Variants in ANKRD27 observed in about 807,000 individuals in gnomAD.
The protein encoded by ANKRD27 is ankyrin repeat domain 27, also known as ankyrin repeat domain-containing protein 27.
ANKRD27 carries 112 observed loss-of-function variants against 129.7 expected under a neutral mutation model. The observed-to-expected ratio is 0.86, with a 90% CI of 0.74 to 1.01. The LOEUF is 1.01. ANKRD27 is among the 50% of genes least tolerant of loss of function. The pLI is 0.00. For synonymous variants in ANKRD27, 516 were observed against 511.2 expected, an observed-to-expected ratio of 1.01 and a Z score of -0.13; for missense variants, 1,258 against 1,300.5, an observed-to-expected ratio of 0.97 and a Z score of 0.50.
chr19:32,648,814 G>T (rs1967353566), intron 3 of ANKRD27, among the ~76,000 whole-genome samples: 1 of 147,180 alleles, frequency 6.8e-6, no homozygotes, highest in Admixed American at 6.7e-5. Flanking sequence ...AAAAAAAAAA[G>T]ATTCAAAATA....
intron 22 of ANKRD27, among the ~76,000 whole-genome samples, chr19:32,613,706 CTTTT>C (rs58394462): frequency 1.5e-5 from 2 of 132,992 alleles, no homozygotes; most frequent in Admixed American, 7.7e-5. Context: ...ATTTATGTAA[CTTTT>C]TTTTTTTTTT....
chr19:32,604,509 A>G, intron 24 of ANKRD27, 85 bp from the exon 25 acceptor site: 26 of 1,309,680 alleles, frequency 2.0e-5, no homozygotes, highest in Non-Finnish European at 2.6e-5. Context: ...TATTCGCTAT[A>G]AAACACATTG....
At chr19:32,628,009 C>A in intron 15 of ANKRD27, 74 bp downstream of exon 15, 1 of 1,395,260 alleles carries the variant, frequency 7.2e-7, no homozygotes, top group Non-Finnish European at 1.0e-6. Flanking sequence ...ATCAGCCAGG[C>A]CTCTCTGCTG....
intron 20 of ANKRD27, 28 bp from the exon 21 acceptor site, chr19:32,617,661 A>G: frequency 1.4e-6 from 1 of 724,038 alleles, no homozygotes; most frequent in Admixed American, 2.1e-5. Context: ...GAATGTTAGA[A>G]AAATGATTTC....
intron 22 of ANKRD27, among the ~76,000 whole-genome samples, chr19:32,608,785 C>T (rs1971790173): frequency 6.6e-6 from 1 of 152,112 alleles, no homozygotes; most frequent in African/African-American, 2.4e-5. Flanking sequence ...AACCCCGTCT[C>T]TACCAAAAAT....
In ANKRD27 at chr19:32,607,806, C is replaced by G; in HGVS notation, c.2202G>C (p.Gly734=). Residue 734 remains glycine, a synonymous_variant, in exon 23 of 29, where the codon GGG becomes GGC. Transcript: ENST00000306065. ...CCTGGCTGGTCACGTTCACACCAAG[C>G]CCACTGGCAGGAACCTTCGCCAGCC... is the stretch of plus-strand genomic sequence containing the variant. The part of the protein sequence containing the change: ...QKRLAKVPAS[G]LGVNVTSQDG... The G allele has an allele frequency of 6.2e-7, 1 of 1,609,100 alleles. No homozygotes were observed.
chr19:32,599,486 T>C (rs886941663), intron 28 of ANKRD27, among the ~76,000 whole-genome samples: 1 of 152,218 alleles, frequency 6.6e-6, no homozygotes. Context: ...TGTAACACTT[T>C]CCACTCCTCT....
At chr19:32,642,462 C>T (rs749010725) in intron 9 of ANKRD27, among the ~76,000 whole-genome samples, 3 of 152,030 alleles carry the variant, frequency 2.0e-5, no homozygotes, top group East Asian at 1.9e-4. Context: ...AAATTAGGCT[C>T]GGCGCAGTGG....
chr19:32,659,072 A>T, intron 1 of ANKRD27, 27 bp from the exon 2 acceptor site: 2 of 1,243,594 alleles, frequency 1.6e-6, no homozygotes, highest in Admixed American at 3.4e-5. Context: ...AAAAGCAGTG[A>T]ATAGCCATTT....
chr19:32,661,831 T>C (rs543622469), intron 1 of ANKRD27, among the ~76,000 whole-genome samples: 2 of 152,296 alleles, frequency 1.3e-5, no homozygotes, highest in Admixed American at 1.3e-4. Flanking sequence ...AACCTGAATT[T>C]GGTTGAAAAA....
chr19:32,638,202 A>C (rs1218686767), intron 12 of ANKRD27: 1 of 152,308 alleles, frequency 6.6e-6, no homozygotes. Context: ...AGGCCCACCT[A>C]TGGACCAATC....
chr19:32,640,630 G>A (rs928770678), intron 10 of ANKRD27, among the ~76,000 whole-genome samples: 1 of 152,304 alleles, frequency 6.6e-6, no homozygotes, highest in Non-Finnish European at 1.5e-5. Flanking sequence ...AGCCAGATAC[G>A]GCAGCACGTG....
intron 2 of ANKRD27, among the ~76,000 whole-genome samples, chr19:32,653,865 T>G (rs1347881998): frequency 6.6e-6 from 1 of 152,154 alleles, no homozygotes; most frequent in African/African-American, 2.4e-5. Flanking sequence ...AGAAGCGTGG[T>G]GCGGTTCACT....
intron 1 of ANKRD27, among the ~76,000 whole-genome samples, chr19:32,666,779 T>C (rs1386199954): frequency 1.3e-5 from 2 of 151,880 alleles, no homozygotes; most frequent in African/African-American, 4.8e-5. Context: ...CCCTCGTAGC[T>C]GGGATTACAG....
intron 3 of ANKRD27, among the ~76,000 whole-genome samples, chr19:32,648,889 G>A (rs1018305831): frequency 6.6e-6 from 1 of 151,548 alleles, no homozygotes; most frequent in Non-Finnish European, 1.5e-5. Flanking sequence ...AGCTTGGGGG[G>A]AAGCACATTT....
At chr19:32,651,515 G>A (rs1206592882) in intron 2 of ANKRD27, among the ~76,000 whole-genome samples, 5 of 152,090 alleles carry the variant, frequency 3.3e-5, no homozygotes, top group East Asian at 1.9e-4. Context: ...GACTACAGGC[G>A]TCCGCCACCA....
At chr19:32,611,760 T>G (rs1174024841) in intron 22 of ANKRD27, among the ~76,000 whole-genome samples, 1 of 152,174 alleles carries the variant, frequency 6.6e-6, no homozygotes, top group Non-Finnish European at 1.5e-5. Flanking sequence ...TTTGTATTTT[T>G]AGTAGGGATG....
intron 23 of ANKRD27, among the ~76,000 whole-genome samples, chr19:32,606,198 G>A (rs1370807493): frequency 8.2e-5 from 12 of 146,954 alleles, no homozygotes; most frequent in African/African-American, 2.5e-5. Flanking sequence ...TGTCGCCCAG[G>A]CTGGAGTGCA....
At chr19:32,609,328 G>A (rs1434075861) in intron 22 of ANKRD27, among the ~76,000 whole-genome samples, 2 of 149,756 alleles carry the variant, frequency 1.3e-5, no homozygotes, top group Admixed American at 1.3e-4. Flanking sequence ...TAACTCCTAG[G>A]TGTTTACCCA....
Sources: gnomAD v4.1 joint callset for allele counts (sites outside exome capture counted in the v4.1 genomes callset) on GRCh38, gnomAD v4.1.1 for gene constraint, MANE v1.5 for transcripts, NCBI Gene and HGNC (gene_info 2026-07-23, HGNC 2026-07-21) for gene names.